MSI2: variants seen among roughly 807,000 people sequenced by gnomAD.
MSI2 encodes RNA-binding protein Musashi homolog 2.
MSI2 carries 17 observed loss-of-function variants against 45.6 expected under a neutral mutation model. The ratio of observed to expected loss-of-function variants is 0.37; its 90% CI spans 0.26 to 0.56. MSI2 has a LOEUF of 0.56. Ranked by LOEUF, MSI2 falls within the 20% of genes least tolerant of loss-of-function variation. The pLI, the probability that MSI2 is intolerant of heterozygous loss-of-function variation, is 0.77. For missense variants in MSI2, 293 were observed against 444.2 expected, an observed-to-expected ratio of 0.66 and a Z score of 3.06; for synonymous variants, 156 against 158.2, an observed-to-expected ratio of 0.99 and a Z score of 0.11.
chr17:57,597,543 C>T (rs572811060), intron 8 of MSI2, among the ~76,000 whole-genome samples: 206 of 150,910 alleles, frequency 1.4e-3, no homozygotes, highest in African/African-American at 5.0e-3. Context: ...AGAGGATCAC[C>T]TGACCCCAGG....
intron 6 of MSI2, among the ~76,000 whole-genome samples, chr17:57,477,899 G>A (rs1016689384): frequency 6.6e-6 from 1 of 152,236 alleles, no homozygotes; most frequent in African/African-American, 2.4e-5. Flanking sequence ...GACTATCGCA[G>A]CCTTGGTTTA....
intron 6 of MSI2, among the ~76,000 whole-genome samples, chr17:57,446,374 C>T (rs143052703): frequency 1.9e-3 from 286 of 152,312 alleles, no homozygotes; most frequent in African/African-American, 6.5e-3. Flanking sequence ...TCATGGGGCT[C>T]TGCCAGGGGA....
At chr17:57,421,383 G>A (rs1037440201) in intron 6 of MSI2, among the ~76,000 whole-genome samples, 1 of 152,150 alleles carries the variant, frequency 6.6e-6, no homozygotes, top group African/African-American at 2.4e-5. Context: ...TGGGGCGTGT[G>A]GAAGGCCTGA....
chr17:57,560,007 C>G (rs567660359), intron 7 of MSI2, among the ~76,000 whole-genome samples: 2 of 152,250 alleles, frequency 1.3e-5, no homozygotes, highest in South Asian at 2.1e-4. Context: ...TTCTGAGGCC[C>G]GTGGCCATCT....
chr17:57,623,289 C>T (rs1290939942), intron 9 of MSI2, among the ~76,000 whole-genome samples: 1 of 152,128 alleles, frequency 6.6e-6, no homozygotes, highest in East Asian at 1.9e-4. Context: ...AGCCCTGTCT[C>T]TTGTCTCTTT....
intron 7 of MSI2, among the ~76,000 whole-genome samples, chr17:57,563,181 G>A (rs2087629993): frequency 2.0e-5 from 3 of 151,370 alleles, no homozygotes. Context: ...CTGCATAGTG[G>A]TCTAGCAGGA....
intron 11 of MSI2, among the ~76,000 whole-genome samples, chr17:57,664,511 C>T (rs1912229271): frequency 6.6e-6 from 1 of 151,724 alleles, no homozygotes; most frequent in Non-Finnish European, 1.5e-5. Flanking sequence ...TAGCAAGACT[C>T]CCTCTCAAAA....
intron 5 of MSI2, among the ~76,000 whole-genome samples, chr17:57,294,299 C>G (rs181197434): frequency 5.9e-5 from 9 of 152,102 alleles, no homozygotes; most frequent in Non-Finnish European, 1.2e-4. Context: ...CATCTGGGTG[C>G]TGTTTGAGCA....
At chr17:57,337,371 G>C (rs1308752587) in intron 5 of MSI2, among the ~76,000 whole-genome samples, 2 of 152,134 alleles carry the variant, frequency 1.3e-5, no homozygotes, top group Non-Finnish European at 2.9e-5. Context: ...TACTTCCACT[G>C]TCTGATGGCA....
rs145010888 is a variant in MSI2 at position 57,501,955 on chromosome 17, CA to C, written c.406-27719del. Among the ~76,000 whole-genome samples, 10 of 152,290 alleles carry C rather than the reference CA, an allele frequency of 6.6e-5. No homozygotes were observed. The East Asian group carries it at 1.9e-3, about 29-fold the overall frequency. On this transcript the variant is annotated intron_variant, in intron 6 of 13. Transcript: ENST00000284073. The stretch of plus-strand genomic sequence containing the variant: ...TTATAGTAGAGACAGTTGCTAAGTT[CA>C]AGCTCTCAGAGCTCACCTCCAGGTT...
At chr17:57,510,257 C>T (rs1040978965) in intron 6 of MSI2, among the ~76,000 whole-genome samples, 2 of 151,940 alleles carry the variant, frequency 1.3e-5, no homozygotes, top group African/African-American at 2.4e-5. Flanking sequence ...CTGAGGCCCT[C>T]TTGATGAGGT....
intron 7 of MSI2, among the ~76,000 whole-genome samples, chr17:57,543,654 C>T (rs1224781790): frequency 3.3e-5 from 5 of 152,204 alleles, no homozygotes; most frequent in African/African-American, 1.2e-4. Flanking sequence ...TATGTATAAA[C>T]TACTCTGGAA....
chr17:57,397,546 C>T (rs938302481), intron 5 of MSI2, among the ~76,000 whole-genome samples: 3 of 152,236 alleles, frequency 2.0e-5, no homozygotes, highest in Non-Finnish European at 2.9e-5. Context: ...CCATCCCCTT[C>T]CTGCCCTCCT....
intron 6 of MSI2, among the ~76,000 whole-genome samples, chr17:57,429,847 C>T (rs1438244539): frequency 6.6e-6 from 1 of 152,238 alleles, no homozygotes; most frequent in South Asian, 2.1e-4. Context: ...CGCATTCACT[C>T]TGCAGTTGTC....
At chr17:57,338,041 T>A (rs1305699694) in intron 5 of MSI2, among the ~76,000 whole-genome samples, 1 of 152,156 alleles carries the variant, frequency 6.6e-6, no homozygotes, top group African/African-American at 2.4e-5. Context: ...TACAGATACG[T>A]TTTAAATATA....
downstream of MSI2, among the ~76,000 whole-genome samples, chr17:57,686,775 A>T (rs1311827940): frequency 3.9e-5 from 6 of 152,098 alleles, no homozygotes; most frequent in Non-Finnish European, 7.4e-5. Flanking sequence ...CTAGAAATGC[A>T]GAGAACTTGA....
intron 6 of MSI2, among the ~76,000 whole-genome samples, chr17:57,486,572 G>T (rs982121057): frequency 6.6e-6 from 1 of 152,146 alleles, no homozygotes; most frequent in Non-Finnish European, 1.5e-5. Context: ...TACCCACTTT[G>T]TCAAACTCAT....
intron 5 of MSI2, among the ~76,000 whole-genome samples, chr17:57,381,317 C>A (rs1424626159): frequency 6.6e-6 from 1 of 152,134 alleles, no homozygotes; most frequent in Non-Finnish European, 1.5e-5. Context: ...CTGCCTGTCT[C>A]GGCCTCCCAG....
chr17:57,437,194 G>A (rs1301214063), intron 6 of MSI2, among the ~76,000 whole-genome samples: 1 of 151,998 alleles, frequency 6.6e-6, no homozygotes, highest in Non-Finnish European at 1.5e-5. Flanking sequence ...CCTTACTTTT[G>A]GATTTATTTT....
Sources: gnomAD v4.1 joint callset for allele counts (sites outside exome capture counted in the v4.1 genomes callset) on GRCh38, gnomAD v4.1.1 for gene constraint, MANE v1.5 for transcripts, NCBI Gene and HGNC (gene_info 2026-07-23, HGNC 2026-07-21) for gene names.